SORBS2: variants seen among roughly 807,000 people sequenced by gnomAD.
SORBS2 encodes the protein sorbin and SH3 domain containing 2.
Under a neutral mutation model 97.7 loss-of-function variants are expected in SORBS2, and 46 were observed. That is an observed-to-expected ratio of 0.47 (90% CI 0.37 to 0.60). The LOEUF is 0.60. Ranked by LOEUF, SORBS2 falls within the 20% of genes least tolerant of loss-of-function variation. SORBS2 has a pLI of 0.00. For synonymous variants in SORBS2, 476 were observed against 473.4 expected (o/e 1.01, Z -0.07); for missense variants, 1,316 against 1,282.3 (o/e 1.03, Z -0.40).
intron 1 of SORBS2, among the ~76,000 whole-genome samples, chr4:185,867,813 T>C (rs1400921502): frequency 6.6e-6 from 1 of 152,094 alleles, no homozygotes; most frequent in Non-Finnish European, 1.5e-5. Flanking sequence ...TTGCCATACT[T>C]GGCTCTGGGA....
intron 1 of SORBS2, among the ~76,000 whole-genome samples, chr4:185,948,203 C>T (rs2099275459): frequency 6.6e-6 from 1 of 152,208 alleles, no homozygotes; most frequent in African/African-American, 2.4e-5. Flanking sequence ...TTACCTGAAT[C>T]TCTCCAATCT....
intron 1 of SORBS2, among the ~76,000 whole-genome samples, chr4:185,784,332 A>G (rs1489970890): frequency 6.6e-6 from 1 of 152,056 alleles, no homozygotes; most frequent in South Asian, 2.1e-4. Flanking sequence ...GCATTTCACT[A>G]TGTTGGCCAG....
intron 2 of SORBS2, among the ~76,000 whole-genome samples, chr4:185,692,259 C>G (rs75558390): frequency 1.6e-4 from 25 of 152,208 alleles, no homozygotes; most frequent in Admixed American, 8.5e-4. Flanking sequence ...AGAACCCCCC[C>G]GCACAGCACA....
At chr4:185,837,248 C>G (rs1366839620) in intron 1 of SORBS2, among the ~76,000 whole-genome samples, 1 of 151,600 alleles carries the variant, frequency 6.6e-6, no homozygotes, top group Non-Finnish European at 1.5e-5. Context: ...ACTATTTGTC[C>G]CTAGAAAAAA....
chr4:185,695,823 T>A (rs1480464928), intron 2 of SORBS2, among the ~76,000 whole-genome samples: 1 of 152,232 alleles, frequency 6.6e-6, no homozygotes, highest in Non-Finnish European at 1.5e-5. Context: ...AATAGTCACA[T>A]GAAAACTCCA....
chr4:185,806,269 G>C (rs2099153018), intron 1 of SORBS2, among the ~76,000 whole-genome samples: 1 of 152,164 alleles, frequency 6.6e-6, no homozygotes, highest in Non-Finnish European at 1.5e-5. Flanking sequence ...GTTTAGAGGA[G>C]ACTAGAATGA....
intron 1 of SORBS2, among the ~76,000 whole-genome samples, chr4:185,894,047 A>G (rs2099243830): frequency 6.6e-6 from 1 of 152,196 alleles, no homozygotes; most frequent in African/African-American, 2.4e-5. Context: ...CACAAAGGAC[A>G]GCTTTTCAGA....
intron 1 of SORBS2, among the ~76,000 whole-genome samples, chr4:185,790,311 A>C (rs764268560): frequency 1.1e-4 from 17 of 152,172 alleles, no homozygotes; most frequent in Non-Finnish European, 2.5e-4. Flanking sequence ...AAAAATAATG[A>C]TGTATTATTC....
intron 1 of SORBS2, among the ~76,000 whole-genome samples, chr4:185,848,306 C>T (rs1436433553): frequency 2.0e-5 from 3 of 152,108 alleles, no homozygotes; most frequent in African/African-American, 7.2e-5. Context: ...CACAGAACCC[C>T]TAATATCATG....
In SORBS2 at chr4:185,623,065, G is replaced by A; in HGVS notation, c.2064C>T (p.His688=). ...CGGGAGGCAGTGGGTGGAGAGGCTG[G>A]TGCAGGGGGCTCCTCCTCAGCGCTC... is the stretch of plus-strand genomic sequence containing the variant. The change falls in exon 7 of 15, where the codon CAC becomes CAT. Residue 688 remains histidine, a synonymous_variant. Coordinates refer to ENST00000418609, the Ensembl canonical transcript of SORBS2. This position sits in a 1 kb window ranked among gnomAD's most constrained non-coding sequence, Gnocchi z 6.4. The A allele has an allele frequency of 6.2e-7, 1 of 1,614,196 alleles. No individual in the cohort carries two copies. Among genetic ancestry groups the A allele is most frequent in the Non-Finnish European group, 8.5e-7 (1 of 1,180,038 alleles).
intron 2 of SORBS2, among the ~76,000 whole-genome samples, chr4:185,726,895 T>A (rs905236412): frequency 2.4e-4 from 36 of 152,178 alleles, no homozygotes; most frequent in African/African-American, 8.2e-4. Context: ...TGGGCATGCA[T>A]CTTTAAATAG....
At position 185,850,579 on chromosome 4, in the gene SORBS2, T is replaced by A. The variant is rs533887330; in HGVS notation, c.-337-75213A>T. On this transcript the variant is annotated intron_variant, in intron 1 of 20. Transcript: ENST00000284776. ...TTGTGAGTGCTATTAAAAACCCATC[T>A]TCTCTTCTTTGAACAAGTAAGCCTG... 1.1e-4 allele frequency among the ~76,000 whole-genome samples: 17 copies of A among 152,350 alleles called. 1 individual carries two copies. In the South Asian group the frequency reaches 3.3e-3, roughly 30 times the overall value.
chr4:185,896,076 C>T (rs2099244874), intron 1 of SORBS2, among the ~76,000 whole-genome samples: 1 of 152,118 alleles, frequency 6.6e-6, no homozygotes, highest in African/African-American at 2.4e-5. Context: ...CCAAAAAAAG[C>T]TCCGGATTAG....
intron 2 of SORBS2, among the ~76,000 whole-genome samples, chr4:185,741,384 CTTTCT>C (rs1162565504): frequency 1.4e-5 from 2 of 138,108 alleles, no homozygotes; most frequent in South Asian, 2.4e-4. Context: ...ACTTTTCTTT[CTTTCT>C]TTTCTTTTTT....
chr4:185,692,450 C>CT (rs2153520436), intron 2 of SORBS2, among the ~76,000 whole-genome samples: 1 of 152,326 alleles, frequency 6.6e-6, no homozygotes, highest in East Asian at 1.9e-4. Context: ...AGCAAATGAG[C>CT]TTCCTGGCTT....
chr4:185,640,157 T>G (rs2097103044), intron 4 of SORBS2, among the ~76,000 whole-genome samples: 1 of 152,192 alleles, frequency 6.6e-6, no homozygotes, highest in South Asian at 2.1e-4. Context: ...GACAAAATAG[T>G]GCAAAAGCCT....
At chr4:185,792,517 AAG>A (rs1284539343) in intron 1 of SORBS2, among the ~76,000 whole-genome samples, 2 of 151,480 alleles carry the variant, frequency 1.3e-5, no homozygotes, top group African/African-American at 2.4e-5. Flanking sequence ...GAAAAGAAAG[AAG>A]AGAGAGAGAG....
chr4:185,794,253 T>C (rs983683320), intron 1 of SORBS2, among the ~76,000 whole-genome samples: 6 of 149,846 alleles, frequency 4.0e-5, no homozygotes, highest in African/African-American at 1.5e-4. Context: ...AGAAAGAGAG[T>C]GGAGAGATGG....
In SORBS2 at chr4:185,606,640, G is replaced by A; in HGVS notation, c.2796+5140C>T. On this transcript the variant is annotated intron_variant, in intron 12 of 14. Coordinates refer to ENST00000418609, the Ensembl canonical transcript of SORBS2. The surrounding 1 kb of genome is among the most constrained non-coding windows in gnomAD (Gnocchi z 4.3). ...CTCCTTGGGGGTCCTAGGATCTGTG[G>A]GGGTGGCTATGGGGTGTTTTAGGCA... 1 of 985,210 alleles carries A rather than the reference G, an allele frequency of 1.0e-6. No homozygotes were observed. Among genetic ancestry groups the A allele is most frequent in the Non-Finnish European group, 1.2e-6 (1 of 829,886 alleles). 61.0% of individuals were successfully genotyped at this position (985,210 alleles called of 1,614,324 possible). A position where few individuals can be genotyped will look rare whatever the true frequency, so the allele number is the denominator to read the frequency against.
Sources: allele counts gnomAD v4.1 joint callset (sites outside exome capture counted in the v4.1 genomes callset), GRCh38; gene constraint gnomAD v4.1.1; non-coding constraint Gnocchi (gnomAD v3.1); transcripts MANE v1.5; gene names NCBI Gene and HGNC (gene_info 2026-07-23, HGNC 2026-07-21).